DCC: variants seen among roughly 807,000 people sequenced by gnomAD.
DCC encodes the protein DCC netrin 1 receptor.
In DCC, 58 loss-of-function variants were observed where a neutral mutation model predicts 172.5. The observed-to-expected ratio is 0.34, with a 90% confidence interval of 0.27 to 0.42. The LOEUF (loss-of-function observed/expected upper bound fraction) is 0.42. DCC is among the 10% of genes least tolerant of loss of function. The pLI, the probability that DCC is intolerant of heterozygous loss-of-function variation, is 1.00. For missense variants in DCC, 1,740 were observed against 1,791.0 expected (o/e 0.97, Z 0.51); for synonymous variants, 709 against 644.5 (o/e 1.10, Z -1.52).
chr18:52,468,260 T>G (rs570813805), intron 1 of DCC, among the ~76,000 whole-genome samples: 4 of 152,276 alleles, frequency 2.6e-5, no homozygotes, highest in Admixed American at 2.6e-4. Flanking sequence ...CTTTACCACA[T>G]GGACTTAGAA....
intron 17 of DCC, among the ~76,000 whole-genome samples, chr18:53,395,073 C>A (rs1305665643): frequency 6.6e-6 from 1 of 151,392 alleles, no homozygotes; most frequent in Non-Finnish European, 1.5e-5. Context: ...TCACTTGAAC[C>A]CGAGAGGCTG....
At chr18:53,428,464 T>TACATATATA (rs1555670608) in intron 21 of DCC, among the ~76,000 whole-genome samples, 2 of 35,072 alleles carry the variant, frequency 5.7e-5, no homozygotes, top group African/African-American at 1.4e-4. Context: ...TTATATATAT[T>TACATATATA]ATATAATATA....
chr18:53,200,206 A>G (rs1051070998), intron 9 of DCC, among the ~76,000 whole-genome samples: 1 of 152,212 alleles, frequency 6.6e-6, no homozygotes, highest in African/African-American at 2.4e-5. Context: ...AGCTACGTAG[A>G]TATAAAGAAA....
chr18:52,534,387 C>T (rs977930857), intron 1 of DCC, among the ~76,000 whole-genome samples: 2 of 151,928 alleles, frequency 1.3e-5, no homozygotes, highest in South Asian at 2.1e-4. Context: ...ATTTTAATAC[C>T]TCCATTTCCC....
At chr18:53,191,487 A>G (rs545989730) in intron 9 of DCC, among the ~76,000 whole-genome samples, 1 of 152,116 alleles carries the variant, frequency 6.6e-6, no homozygotes, top group Non-Finnish European at 1.5e-5. Flanking sequence ...ATTACAACTA[A>G]TTTCACTTAT....
At chr18:52,602,120 T>A (rs1282307423) in intron 1 of DCC, among the ~76,000 whole-genome samples, 1 of 152,074 alleles carries the variant, frequency 6.6e-6, no homozygotes, top group East Asian at 1.9e-4. Context: ...ATGAAAATAG[T>A]CACATATTTA....
chr18:52,884,518 C>T (rs1252468125), intron 2 of DCC, among the ~76,000 whole-genome samples: 2 of 151,974 alleles, frequency 1.3e-5, no homozygotes, highest in Admixed American at 1.3e-4. Flanking sequence ...TTGCATTTTT[C>T]ATTTCCAGAA....
intron 2 of DCC, among the ~76,000 whole-genome samples, chr18:52,838,540 T>C (rs1163487580): frequency 6.6e-6 from 1 of 152,146 alleles, no homozygotes; most frequent in Non-Finnish European, 1.5e-5. Flanking sequence ...ACTTAATTTT[T>C]ATGGTAAGAA....
intron 24 of DCC, among the ~76,000 whole-genome samples, chr18:53,463,715 G>A (rs183117193): frequency 6.6e-6 from 1 of 152,220 alleles, no homozygotes; most frequent in African/African-American, 2.4e-5. Flanking sequence ...TAGTATCACA[G>A]CCAGGACCAA....
Position 53,339,814 on chromosome 18 carries a change from C to T in DCC, c.2266C>T (p.Arg756Ter), listed in dbSNP as rs764481922. The T allele has an allele frequency of 1.9e-6, 3 of 1,613,800 alleles. No individual in the cohort carries two copies. The highest frequency in any genetic ancestry group is 1.3e-5 in the African/African-American group (1 of 74,942). ...TCCCTTGAACCCAAACATCGTGGTG[C>T]GAGGTTATATTATCGGTTATGGCGT... Reference protein sequence around the residue: ...TPPLNPNIVVRGYIIGYGVGS... With the variant: ...TPPLNPNIVV Residue 756 changes from arginine (R) to a stop codon, truncating the protein, a stop_gained, in exon 15 of 29, where the codon CGA becomes TGA. Coordinates refer to ENST00000442544, the MANE Select transcript of DCC (RefSeq NM_005215.4). LOFTEE classifies it high-confidence loss of function.
chr18:53,105,799 C>T (rs2043237346), intron 7 of DCC, among the ~76,000 whole-genome samples: 1 of 151,846 alleles, frequency 6.6e-6, no homozygotes, highest in Middle Eastern at 3.4e-3. Context: ...TTATCAGTCT[C>T]TGACAATTTG....
chr18:52,648,469 T>C (rs1279172619), intron 1 of DCC, among the ~76,000 whole-genome samples: 1 of 152,212 alleles, frequency 6.6e-6, no homozygotes, highest in Non-Finnish European at 1.5e-5. Context: ...TAACTATGTG[T>C]GGAAGCAGAC....
At chr18:53,290,624 C>T (rs2056991470) in intron 12 of DCC, among the ~76,000 whole-genome samples, 1 of 152,012 alleles carries the variant, frequency 6.6e-6, no homozygotes, top group Admixed American at 6.6e-5. Flanking sequence ...CTGTTAATAG[C>T]CACTTCTGTG....
At chr18:52,779,277 T>C (rs1043914697) in intron 2 of DCC, among the ~76,000 whole-genome samples, 17 of 152,072 alleles carry the variant, frequency 1.1e-4, no homozygotes, top group African/African-American at 3.6e-4. Flanking sequence ...CTACGTTAGG[T>C]ATTTCTCCTA....
intron 1 of DCC, among the ~76,000 whole-genome samples, chr18:52,569,260 T>C (rs992156693): frequency 6.6e-6 from 1 of 152,218 alleles, no homozygotes; most frequent in Non-Finnish European, 1.5e-5. Context: ...GTCTATTTCC[T>C]AGTATTGTCG....
chr18:52,898,213 TAA>T (rs1255880381), intron 2 of DCC, among the ~76,000 whole-genome samples: 1 of 152,238 alleles, frequency 6.6e-6, no homozygotes, highest in East Asian at 1.9e-4. Flanking sequence ...CCCCAATTGA[TAA>T]GTCTCTTTTT....
At chr18:53,189,273 T>C (rs1247063409) in intron 9 of DCC, among the ~76,000 whole-genome samples, 4 of 151,990 alleles carry the variant, frequency 2.6e-5, no homozygotes, top group African/African-American at 9.7e-5. Flanking sequence ...AAAATCAGAG[T>C]CCAGATATTG....
At chr18:53,206,574 A>T (rs952995268) in intron 10 of DCC, among the ~76,000 whole-genome samples, 1 of 145,336 alleles carries the variant, frequency 6.9e-6, no homozygotes, top group Non-Finnish European at 1.5e-5. Context: ...TATATAATAC[A>T]TATCTATACA....
chr18:52,664,523 T>A (rs1291684757), intron 1 of DCC, among the ~76,000 whole-genome samples: 3 of 133,318 alleles, frequency 2.3e-5, no homozygotes, highest in Non-Finnish European at 4.6e-5. Context: ...CAGGCTAGAG[T>A]GCAGTGGCGC....
Sources: allele counts gnomAD v4.1 joint callset (sites outside exome capture counted in the v4.1 genomes callset), GRCh38; gene constraint gnomAD v4.1.1; transcripts MANE v1.5; gene names NCBI Gene and HGNC (gene_info 2026-07-23, HGNC 2026-07-21).